EMILIN2: variants seen among roughly 807,000 people sequenced by gnomAD.
The protein encoded by EMILIN2 is EMILIN-2.
Under a neutral mutation model 87.1 loss-of-function variants are expected in EMILIN2, and 71 were observed. The ratio of observed to expected loss-of-function variants is 0.82; its 90% CI spans 0.67 to 0.99. The LOEUF is 0.99. Among genes scored for constraint, EMILIN2 ranks in the 50% least tolerant of loss-of-function variants. EMILIN2 has a pLI of 0.00. For missense variants in EMILIN2, 1,407 were observed against 1,371.8 expected (o/e 1.03, Z -0.40); for synonymous variants, 581 against 563.4 (o/e 1.03, Z -0.44).
chr18:2,868,992 T>C (rs898195588), intron 2 of EMILIN2, among the ~76,000 whole-genome samples: 3 of 151,880 alleles, frequency 2.0e-5, no homozygotes, highest in African/African-American at 7.3e-5. Context: ...CTTTCTTCCT[T>C]AATCATTGAT....
At chr18:2,907,191 G>C (rs950645273) in intron 5 of EMILIN2, 106 bp downstream of exon 5, 4 of 1,152,126 alleles carry the variant, frequency 3.5e-6, no homozygotes, top group South Asian at 4.3e-5. Flanking sequence ...CAGCCTTCGG[G>C]GGGGCAAGTT....
chr18:2,865,363 T>A (rs1034492661), intron 2 of EMILIN2, among the ~76,000 whole-genome samples: 6 of 152,226 alleles, frequency 3.9e-5, no homozygotes, highest in African/African-American at 1.4e-4. Context: ...CTTTGATCTT[T>A]GATGATGGTG....
At chr18:2,865,563 C>T (rs1311344346) in intron 2 of EMILIN2, among the ~76,000 whole-genome samples, 1 of 152,180 alleles carries the variant, frequency 6.6e-6, no homozygotes, top group Non-Finnish European at 1.5e-5. Context: ...CTGATCGTTC[C>T]TCTGGAAGTT....
chr18:2,855,864 C>G (rs2143956536), intron 2 of EMILIN2, among the ~76,000 whole-genome samples: 1 of 152,328 alleles, frequency 6.6e-6, no homozygotes, highest in African/African-American at 2.4e-5. Context: ...CACTAACGTA[C>G]TGCATACCCA....
chr18:2,849,490 T>G (rs2076592698), intron 2 of EMILIN2, among the ~76,000 whole-genome samples: 1 of 152,168 alleles, frequency 6.6e-6, no homozygotes, highest in African/African-American at 2.4e-5. Context: ...CAAAGGATGA[T>G]TTAATTGTTC....
At chr18:2,850,965 T>C (rs1280473536) in intron 2 of EMILIN2, among the ~76,000 whole-genome samples, 1 of 152,030 alleles carries the variant, frequency 6.6e-6, no homozygotes, top group Non-Finnish European at 1.5e-5. Context: ...AGCAATTGTT[T>C]CTGCAGAAAG....
At chr18:2,884,202 T>C (rs1018940027) in intron 2 of EMILIN2, among the ~76,000 whole-genome samples, 9 of 152,264 alleles carry the variant, frequency 5.9e-5, no homozygotes, top group South Asian at 4.1e-4. Context: ...GTGATCCGCC[T>C]GCCTCGGCCT....
intron 2 of EMILIN2, among the ~76,000 whole-genome samples, chr18:2,859,617 T>C (rs2076650707): frequency 6.6e-6 from 1 of 152,234 alleles, no homozygotes; most frequent in Non-Finnish European, 1.5e-5. Context: ...CATGTGCTTT[T>C]GCATTCTTGG....
At chr18:2,852,839 C>T (rs1296730556) in intron 2 of EMILIN2, among the ~76,000 whole-genome samples, 1 of 152,154 alleles carries the variant, frequency 6.6e-6, no homozygotes, top group Non-Finnish European at 1.5e-5. Flanking sequence ...ATTCTTAACA[C>T]CTATAAAGAT....
In EMILIN2 at chr18:2,892,142, A is replaced by G; in HGVS notation, c.2015A>G (p.Glu672Gly). 1 of 1,608,396 alleles carries G rather than the reference A, an allele frequency of 6.2e-7. No homozygotes were observed. Among genetic ancestry groups the G allele is most frequent in the East Asian group, 2.2e-5 (1 of 44,790 alleles). Residue 672 changes from glutamate (E) to glycine (G), a missense_variant, in exon 4 of 8, where the codon GAG (glutamate) becomes GGG (glycine). Coordinates refer to ENST00000254528, the MANE Select transcript of EMILIN2 (RefSeq NM_032048.3). Reference protein sequence around the residue: ...PVAHCCSQLEERWQRLQSQVI... With the variant: ...PVAHCCSQLEGRWQRLQSQVI... ...GCTCATTGCTGCAGTCAGCTGGAGGAGAGGTGGCAGAGGTTGCAGAGCCAG... is the reference window on the plus strand; with the variant it reads ...GCTCATTGCTGCAGTCAGCTGGAGGGGAGGTGGCAGAGGTTGCAGAGCCAG...
Position 2,847,033 on chromosome 18 carries a change from G to C in EMILIN2, c.-156G>C, listed in dbSNP as rs981716932. ...AAGGAGAAGTAGGAACGAGAAGCCG[G>C]AGGGGGCGGCCGCGGAGCACTGGTT... On this transcript the variant is annotated 5_prime_UTR_variant, in exon 1 of 8. Transcript: ENST00000254528. The surrounding 1 kb of genome is among the most constrained non-coding windows in gnomAD (Gnocchi z 4.5). 1.5e-5 allele frequency: 16 copies of C among 1,055,576 alleles called. No individual in the cohort carries two copies. In the African/African-American group the frequency reaches 2.4e-4, roughly 16 times the overall value. The allele number at this position is 1,055,576 out of a possible 1,614,324, so 65.4% of individuals were successfully genotyped here. A position where few individuals can be genotyped will look rare whatever the true frequency, so the allele number is the denominator to read the frequency against.
At chr18:2,873,126 C>T (rs181050507) in intron 2 of EMILIN2, among the ~76,000 whole-genome samples, 29 of 151,980 alleles carry the variant, frequency 1.9e-4, no homozygotes, top group African/African-American at 4.8e-4. Flanking sequence ...ACTTACAGGC[C>T]GGGGCCGGGC....
At chr18:2,897,544 A>G (rs1259614559) in intron 4 of EMILIN2, among the ~76,000 whole-genome samples, 2 of 152,100 alleles carry the variant, frequency 1.3e-5, no homozygotes, top group African/African-American at 4.8e-5. Flanking sequence ...TTGTTTTTAA[A>G]ATTAGCGTTC....
chr18:2,894,509 T>A lies in EMILIN2; in HGVS notation c.2359+2023T>A, dbSNP rs1432651803. ...TGATTGTCCCTTGTGGTGACAACGC[T>A]GTCTGGTCTGTGTCTTACGATAACA... On this transcript the variant is annotated intron_variant, in intron 4 of 7. Coordinates refer to ENST00000254528, the MANE Select transcript of EMILIN2 (RefSeq NM_032048.3). The surrounding 1 kb of genome is among the most constrained non-coding windows in gnomAD (Gnocchi z 5.0). Among the ~76,000 whole-genome samples the A allele has an allele frequency of 6.6e-6, 1 of 152,230 alleles. No individual in the cohort carries two copies. Among genetic ancestry groups the A allele is most frequent in the Non-Finnish European group, 1.5e-5 (1 of 68,036 alleles).
chr18:2,898,315 A>C (rs577549031), intron 4 of EMILIN2, among the ~76,000 whole-genome samples: 38 of 152,358 alleles, frequency 2.5e-4, no homozygotes, highest in Non-Finnish European at 4.7e-4. Context: ...CCCGGCCTGC[A>C]GCCCAGTGGC....
In EMILIN2 at chr18:2,906,960, C is replaced by A. The variant is rs371775160; in HGVS notation, c.2537C>A (p.Ala846Glu). ...CCGCCAGGCTCCACCGGGGTCATCGCGGAGACGGGCCAGGCCGGGCCCCCC... is the reference window on the plus strand; with the variant it reads ...CCGCCAGGCTCCACCGGGGTCATCGAGGAGACGGGCCAGGCCGGGCCCCCC... ...PQPPGSTGVI[A>E]ETGQAGPPAG... Residue 846 changes from alanine to glutamate, a missense_variant, in exon 5 of 8, where the codon GCG (alanine) becomes GAG (glutamate). Transcript: ENST00000254528. 2.8e-6 allele frequency: 4 copies of A among 1,404,590 alleles called. No individual in the cohort carries two copies. The highest frequency in any genetic ancestry group is 6.2e-5 in the East Asian group (2 of 32,090). The allele number at this position is 1,404,590 out of a possible 1,614,324, so 87.0% of individuals were successfully genotyped here.
chr18:2,858,162 A>C (rs769005428), intron 2 of EMILIN2, among the ~76,000 whole-genome samples: 4 of 150,450 alleles, frequency 2.7e-5, no homozygotes, highest in South Asian at 2.1e-4. Flanking sequence ...TTTCTTTTTT[A>C]TTTTTTTTTA....
At chr18:2,846,826 C>T (rs1214094902), upstream of EMILIN2, 1 of 985,322 alleles carries the variant, frequency 1.0e-6, no homozygotes, top group Non-Finnish European at 1.2e-6. This position sits in a 1 kb window ranked among gnomAD's most constrained non-coding sequence, Gnocchi z 5.3. Context: ...ACCCTTATCC[C>T]AAACCCTTTC....
intron 3 of EMILIN2, among the ~76,000 whole-genome samples, chr18:2,889,391 G>A (rs2076821579): frequency 1.3e-5 from 2 of 151,908 alleles, no homozygotes; most frequent in Non-Finnish European, 2.9e-5. Context: ...ACCCACCTCA[G>A]CCTTCCAAAG....
Sources: gnomAD v4.1 joint callset for allele counts (sites outside exome capture counted in the v4.1 genomes callset) on GRCh38, gnomAD v4.1.1 for gene constraint, Gnocchi (gnomAD v3.1) non-coding constraint, MANE v1.5 for transcripts, NCBI Gene and HGNC (gene_info 2026-07-23, HGNC 2026-07-21) for gene names.